Variants in PITPNB observed in about 807,000 individuals in gnomAD.
The protein encoded by PITPNB is phosphatidylinositol transfer protein beta.
Under a neutral mutation model 45.9 loss-of-function variants are expected in PITPNB, and 16 were observed. That is an observed-to-expected ratio of 0.35 (90% CI 0.24 to 0.53). PITPNB has a LOEUF of 0.53. PITPNB is among the 20% of genes least tolerant of loss of function. PITPNB has a pLI of 0.93. For missense variants in PITPNB, 188 were observed against 330.5 expected, an observed-to-expected ratio of 0.57 and a Z score of 3.34; for synonymous variants, 112 against 108.9, an observed-to-expected ratio of 1.03 and a Z score of -0.18.
chr22:27,853,750 G>A (rs1934092569), intron 11 of PITPNB, 87 bp from the exon 12 acceptor site: 4 of 913,308 alleles, frequency 4.4e-6, no homozygotes, highest in South Asian at 2.8e-5. Flanking sequence ...CTCTCCAAAT[G>A]CATCAAAACT....
At chr22:27,902,931 A>G (rs1449333285) in intron 3 of PITPNB, among the ~76,000 whole-genome samples, 4 of 152,028 alleles carry the variant, frequency 2.6e-5, no homozygotes, top group South Asian at 2.1e-4. Flanking sequence ...ATGTTTTGCT[A>G]TATTGCCCGG....
At chr22:27,893,413 T>C (rs1193162179) in intron 7 of PITPNB, among the ~76,000 whole-genome samples, 1 of 149,668 alleles carries the variant, frequency 6.7e-6, no homozygotes, top group Non-Finnish European at 1.5e-5. Context: ...GCCTCCCGAG[T>C]AGCTGGGACT....
At chr22:27,906,361 T>C (rs2146418905) in intron 3 of PITPNB, among the ~76,000 whole-genome samples, 1 of 152,312 alleles carries the variant, frequency 6.6e-6, no homozygotes, top group Middle Eastern at 3.4e-3. Context: ...ACTTTAGACG[T>C]TAAAGACTTC....
intron 8 of PITPNB, among the ~76,000 whole-genome samples, chr22:27,869,607 G>C (rs1268184579): frequency 6.6e-6 from 1 of 152,068 alleles, no homozygotes; most frequent in Non-Finnish European, 1.5e-5. Context: ...ACACATTCTA[G>C]AATGAGGGGA....
chr22:27,898,052 CA>C (rs1390816926), intron 3 of PITPNB, 160 bp from the exon 4 acceptor site: 5 of 591,044 alleles, frequency 8.5e-6, no homozygotes, highest in African/African-American at 1.9e-5. Flanking sequence ...GAAATGAACA[CA>C]TAATTTTTTA....
At chr22:27,904,529 T>A (rs1004763404) in intron 3 of PITPNB, among the ~76,000 whole-genome samples, 4 of 152,314 alleles carry the variant, frequency 2.6e-5, no homozygotes, top group Middle Eastern at 3.4e-3. Context: ...TTGTTGAAAA[T>A]GTTCTGAAAT....
At chr22:27,885,269 A>G (rs922066011) in intron 7 of PITPNB, among the ~76,000 whole-genome samples, 8 of 138,898 alleles carry the variant, frequency 5.8e-5, no homozygotes, top group African/African-American at 7.8e-5. Context: ...GCAGATGTCA[A>G]CTGACTCATT....
intron 10 of PITPNB, 82 bp from the exon 11 acceptor site, chr22:27,855,021 A>G: frequency 1.1e-6 from 1 of 948,888 alleles, no homozygotes; most frequent in South Asian, 1.4e-5. Flanking sequence ...AAAGATCTAG[A>G]AGAGATTATG....
intron 1 of PITPNB, among the ~76,000 whole-genome samples, chr22:27,917,245 T>C (rs990874908): frequency 3.3e-5 from 5 of 152,256 alleles, no homozygotes; most frequent in African/African-American, 1.2e-4. Context: ...TAGGAACTGC[T>C]TTCCAAGAGT....
chr22:27,883,052 G>C (rs1935019943), intron 7 of PITPNB, among the ~76,000 whole-genome samples: 1 of 152,140 alleles, frequency 6.6e-6, no homozygotes, highest in Non-Finnish European at 1.5e-5. Flanking sequence ...GCACATATGC[G>C]AACTTCAAAA....
chr22:27,899,187 G>C (rs1159040426), intron 3 of PITPNB, among the ~76,000 whole-genome samples: 1 of 152,120 alleles, frequency 6.6e-6, no homozygotes, highest in Non-Finnish European at 1.5e-5. Context: ...AGTACAATGA[G>C]CTCAAAAAAT....
intron 2 of PITPNB, among the ~76,000 whole-genome samples, chr22:27,911,672 T>C (rs1381108361): frequency 1.3e-5 from 2 of 152,242 alleles, no homozygotes; most frequent in Admixed American, 6.5e-5. Flanking sequence ...TTTTAACTTA[T>C]GACTTATTTA....
intron 8 of PITPNB, among the ~76,000 whole-genome samples, chr22:27,871,324 C>G (rs1601388289): frequency 6.6e-6 from 1 of 152,200 alleles, no homozygotes; most frequent in South Asian, 2.1e-4. Flanking sequence ...AAGCCCACCA[C>G]ATAATGTAGC....
chr22:27,899,290 C>T (rs946987135), intron 3 of PITPNB, among the ~76,000 whole-genome samples: 3 of 152,202 alleles, frequency 2.0e-5, no homozygotes, highest in Non-Finnish European at 4.4e-5. Context: ...TCTTCACATC[C>T]TTAAAAATGA....
Position 27,855,309 on chromosome 22 carries a change from G to A in PITPNB, c.769-370C>T, listed in dbSNP as rs1052482039. 5.8e-4 allele frequency among the ~76,000 whole-genome samples: 89 copies of A among 152,278 alleles called. 1 individual carries two copies. The highest frequency in any genetic ancestry group is 7.8e-4 in the Admixed American group (12 of 15,302). ...CCAGACAAGCAAGCCATGAGGGTGT[G>A]GGCCACACCTCTTTGCTGCTTCTGA... On this transcript the variant is annotated intron_variant, in intron 10 of 11. Coordinates refer to ENST00000335272, the MANE Select transcript of PITPNB (RefSeq NM_012399.5).
intron 6 of PITPNB, among the ~76,000 whole-genome samples, chr22:27,895,194 G>A (rs1935398813): frequency 6.6e-6 from 1 of 152,186 alleles, no homozygotes; most frequent in Non-Finnish European, 1.5e-5. Context: ...AACTGCCAAA[G>A]ATATGCCCAT....
In PITPNB at chr22:27,853,414, T is replaced by C. The variant is rs1393654785; in HGVS notation, c.*288A>G. ...ACTTTGGAGAAATTGTACTAATCCC[T>C]TCAGTATGTCTGTATGTACATATAT... On this transcript the variant is annotated 3_prime_UTR_variant, in exon 12 of 12. Transcript: ENST00000335272. 2 of 524,650 alleles carry C rather than the reference T, an allele frequency of 3.8e-6. No individual in the cohort carries two copies. Among genetic ancestry groups the C allele is most frequent in the African/African-American group, 3.8e-5 (2 of 52,110 alleles). 32.5% of individuals were successfully genotyped at this position (524,650 alleles called of 1,614,324 possible).
At chr22:27,917,098 A>G (rs1312126872) in intron 1 of PITPNB, among the ~76,000 whole-genome samples, 1 of 152,276 alleles carries the variant, frequency 6.6e-6, no homozygotes, top group African/African-American at 2.4e-5. Context: ...AAGAGTTAAC[A>G]TCAAGAAACT....
intron 8 of PITPNB, among the ~76,000 whole-genome samples, chr22:27,867,982 T>C (rs970702497): frequency 1.3e-5 from 2 of 152,174 alleles, no homozygotes; most frequent in Non-Finnish European, 2.9e-5. Context: ...ATAAAAAATG[T>C]AGTCATCAAA....
Sources: gnomAD v4.1 joint callset for allele counts (sites outside exome capture counted in the v4.1 genomes callset) on GRCh38, gnomAD v4.1.1 for gene constraint, MANE v1.5 for transcripts, NCBI Gene and HGNC (gene_info 2026-07-23, HGNC 2026-07-21) for gene names.